Variants in TPRG1 observed in about 807,000 individuals in gnomAD.
The protein encoded by TPRG1 is tumor protein p63-regulated gene 1 protein.
TPRG1 carries 29 observed loss-of-function variants against 29.3 expected under a neutral mutation model. That is an observed-to-expected ratio of 0.99 (90% CI 0.74 to 1.35). TPRG1 has a LOEUF of 1.35. Among genes scored for constraint, TPRG1 ranks in the 40% most tolerant of loss-of-function variants. The probability of loss-of-function intolerance (pLI) is 0.00; values close to 1 mark genes in which losing one functional copy is unlikely to be tolerated. For missense variants in TPRG1, 327 were observed against 335.0 expected (o/e 0.98, Z 0.19); for synonymous variants, 130 against 116.8 (o/e 1.11, Z -0.73).
chr3:189,314,835 A>T (rs928630871), intron 5 of TPRG1, among the ~76,000 whole-genome samples: 2 of 152,216 alleles, frequency 1.3e-5, no homozygotes, highest in Non-Finnish European at 1.5e-5. Context: ...AGAACACTTG[A>T]GCCATGTGTG....
intron 4 of TPRG1, among the ~76,000 whole-genome samples, chr3:189,044,646 T>A (rs1002926425): frequency 1.3e-5 from 2 of 151,854 alleles, no homozygotes; most frequent in Non-Finnish European, 2.9e-5. Context: ...ATACGAAGGT[T>A]AAGAAGAGCA....
At chr3:189,050,495 C>A (rs946394392) in intron 4 of TPRG1, among the ~76,000 whole-genome samples, 1 of 152,122 alleles carries the variant, frequency 6.6e-6, no homozygotes, top group African/African-American at 2.4e-5. Flanking sequence ...GAGCAGAATT[C>A]TATCAGACAT....
At chr3:189,261,905 G>A (rs986084489) in intron 4 of TPRG1, among the ~76,000 whole-genome samples, 6 of 152,138 alleles carry the variant, frequency 3.9e-5, no homozygotes, top group African/African-American at 1.4e-4. Context: ...GGCCCCAACT[G>A]TTGGGAAAAT....
chr3:189,018,922 A>T (rs1324473547), intron 3 of TPRG1, among the ~76,000 whole-genome samples: 1 of 151,618 alleles, frequency 6.6e-6, no homozygotes, highest in Non-Finnish European at 1.5e-5. Context: ...AGTGGATTGT[A>T]GTTCTCCTTG....
At chr3:189,286,164 T>G (rs995844331) in intron 4 of TPRG1, among the ~76,000 whole-genome samples, 3 of 152,142 alleles carry the variant, frequency 2.0e-5, no homozygotes, top group African/African-American at 7.2e-5. Context: ...CTTAGAATGC[T>G]ATTCCCCAGA....
intron 4 of TPRG1, among the ~76,000 whole-genome samples, chr3:189,044,537 A>C (rs1714838547): frequency 7.9e-5 from 12 of 151,302 alleles, no homozygotes. Flanking sequence ...CCTGGGTGAT[A>C]AGAGCAAAAC....
At chr3:189,138,129 A>T (rs564719398) in intron 3 of TPRG1, among the ~76,000 whole-genome samples, 1 of 152,288 alleles carries the variant, frequency 6.6e-6, no homozygotes, top group Non-Finnish European at 1.5e-5. Context: ...GGAGGAAGTG[A>T]CAATACTTCT....
intron 1 of TPRG1, among the ~76,000 whole-genome samples, chr3:189,193,868 T>C (rs1169748599): frequency 2.0e-5 from 3 of 149,316 alleles, no homozygotes; most frequent in African/African-American, 7.5e-5. Flanking sequence ...TCTTGTTCCT[T>C]AAGAGGATTA....
chr3:189,076,924 A>G (rs1243972392), intron 4 of TPRG1, among the ~76,000 whole-genome samples: 2 of 105,094 alleles, frequency 1.9e-5, no homozygotes, highest in Non-Finnish European at 3.7e-5. Flanking sequence ...ATATGTGTAC[A>G]TATATATATA....
intron 3 of TPRG1, among the ~76,000 whole-genome samples, chr3:189,221,944 G>A (rs73889120): frequency 0.05 from 7,632 of 151,162 alleles, 635 homozygotes; most frequent in African/African-American, 0.17. Context: ...TTGTCTTCTC[G>A]TTACACTGCT....
At chr3:189,140,985 A>G (rs1724470948) in intron 3 of TPRG1, among the ~76,000 whole-genome samples, 1 of 152,208 alleles carries the variant, frequency 6.6e-6, no homozygotes, top group Non-Finnish European at 1.5e-5. Context: ...TTGCCTGATT[A>G]CTTTAACACA....
At chr3:189,106,285 C>T (rs1719814488) in intron 1 of TPRG1, among the ~76,000 whole-genome samples, 1 of 152,008 alleles carries the variant, frequency 6.6e-6, no homozygotes, top group Non-Finnish European at 1.5e-5. Context: ...ATGTGCTTTC[C>T]CCCTTCCCCC....
At chr3:189,139,987 C>T (rs996373610) in intron 3 of TPRG1, among the ~76,000 whole-genome samples, 2 of 152,154 alleles carry the variant, frequency 1.3e-5, no homozygotes, top group Admixed American at 1.3e-4. Flanking sequence ...TGGATCTTGA[C>T]AAGAGCTGTC....
chr3:189,304,241 G>A (rs1449540743), intron 4 of TPRG1, among the ~76,000 whole-genome samples: 1 of 151,642 alleles, frequency 6.6e-6, no homozygotes, highest in Non-Finnish European at 1.5e-5. Context: ...TGATATTACA[G>A]ATGGATCCCC....
chr3:189,124,438 A>G (rs2108512538), intron 1 of TPRG1, among the ~76,000 whole-genome samples: 1 of 152,296 alleles, frequency 6.6e-6, no homozygotes, highest in South Asian at 2.1e-4. Flanking sequence ...TAGATTAACA[A>G]GAGAGTTTAG....
chr3:189,101,887 A>G (rs1719245540), intron 1 of TPRG1, among the ~76,000 whole-genome samples: 1 of 152,116 alleles, frequency 6.6e-6, no homozygotes, highest in Non-Finnish European at 1.5e-5. Flanking sequence ...ATTTTTACGT[A>G]CATCTTTTTA....
At chr3:189,130,116 G>C (rs922411049) in intron 2 of TPRG1, among the ~76,000 whole-genome samples, 2 of 152,168 alleles carry the variant, frequency 1.3e-5, no homozygotes, top group African/African-American at 2.4e-5. Flanking sequence ...GAGTAATATA[G>C]AATATCCTCA....
intron 3 of TPRG1, among the ~76,000 whole-genome samples, chr3:189,134,389 G>A (rs1215830939): frequency 6.8e-6 from 1 of 148,144 alleles, no homozygotes; most frequent in Non-Finnish European, 1.5e-5. Context: ...CTAGGAATAA[G>A]CAGTGGGGGT....
At chr3:189,311,840 C>A (rs900804144) in intron 5 of TPRG1, among the ~76,000 whole-genome samples, 1 of 151,802 alleles carries the variant, frequency 6.6e-6, no homozygotes. Flanking sequence ...GCCAACAAAA[C>A]AAAACAACCA....
Sources: allele counts gnomAD v4.1 joint callset (sites outside exome capture counted in the v4.1 genomes callset), GRCh38; gene constraint gnomAD v4.1.1; transcripts MANE v1.5; gene names NCBI Gene and HGNC (gene_info 2026-07-23, HGNC 2026-07-21).